Variants in NFASC observed in about 807,000 individuals in gnomAD.
NFASC encodes neurofascin homolog.
In NFASC, 43 loss-of-function variants were observed where a neutral mutation model predicts 147.5. The ratio of observed to expected loss-of-function variants is 0.29; its 90% CI spans 0.23 to 0.38. The LOEUF (loss-of-function observed/expected upper bound fraction) is 0.38, where lower values mean the gene tolerates loss of function less well. NFASC is among the 10% of genes least tolerant of loss of function. NFASC has a pLI of 1.00. For missense variants in NFASC, 1,320 were observed against 1,689.0 expected (o/e 0.78, Z 3.83); for synonymous variants, 622 against 665.5 (o/e 0.93, Z 1.01).
intron 2 of NFASC, among the ~76,000 whole-genome samples, chr1:204,936,208 T>TTTC (rs1328228564): frequency 7.1e-6 from 1 of 140,942 alleles, no homozygotes; most frequent in East Asian, 2.1e-4. Context: ...CTTTTTCTTT[T>TTTC]TTTTTTTTTT....
chr1:204,953,678 C>T (rs960840880), intron 5 of NFASC, among the ~76,000 whole-genome samples: 4 of 152,104 alleles, frequency 2.6e-5, no homozygotes, highest in Admixed American at 6.6e-5. Flanking sequence ...TAACCTAAGC[C>T]GTTTCACTTT....
chr1:204,922,254 C>T (rs948030624), intron 2 of NFASC, among the ~76,000 whole-genome samples: 3 of 152,144 alleles, frequency 2.0e-5, no homozygotes, highest in Non-Finnish European at 4.4e-5. Context: ...TGAACATTCA[C>T]TCTAGGTAAC....
At chr1:204,845,190 C>G (rs1342759545) in intron 1 of NFASC, among the ~76,000 whole-genome samples, 1 of 151,784 alleles carries the variant, frequency 6.6e-6, no homozygotes, top group East Asian at 1.9e-4. Flanking sequence ...GGAGCTGGAA[C>G]TTAAAGTGGC....
chr1:204,990,889 C>G (rs1033420108), intron 23 of NFASC, among the ~76,000 whole-genome samples: 4 of 152,268 alleles, frequency 2.6e-5, no homozygotes, highest in Non-Finnish European at 1.5e-5. Flanking sequence ...CATGGAGCGT[C>G]ACCCAGCCTG....
chr1:204,867,412 CACACACA>C (rs1260597204), intron 1 of NFASC, among the ~76,000 whole-genome samples: 100 of 17,394 alleles, frequency 5.7e-3, no homozygotes, highest in African/African-American at 9.2e-3. Context: ...GAACTCACCA[CACACACA>C]CACACACACA....
chr1:204,945,434 C>T (rs899217998), intron 3 of NFASC, among the ~76,000 whole-genome samples: 2 of 152,188 alleles, frequency 1.3e-5, no homozygotes, highest in Admixed American at 1.3e-4. Flanking sequence ...AAAGCCAGAC[C>T]CCTGGTCCTG....
chr1:204,856,115 C>T (rs756033118), intron 1 of NFASC, among the ~76,000 whole-genome samples: 1 of 152,002 alleles, frequency 6.6e-6, no homozygotes, highest in Non-Finnish European at 1.5e-5. Context: ...TCCCTCCTGC[C>T]TCCCTGCTTG....
Position 205,010,743 on chromosome 1 carries a change from A to C in NFASC, c.3421+1055A>C, listed in dbSNP as rs1394788456. The C allele has an allele frequency of 6.6e-6, 1 of 152,032 alleles. No homozygotes were observed. The highest frequency in any genetic ancestry group is 1.5e-5 in the Non-Finnish European group (1 of 68,016). 9.4% of individuals were successfully genotyped at this position (152,032 alleles called of 1,614,324 possible). A position where few individuals can be genotyped will look rare whatever the true frequency, so the allele number is the denominator to read the frequency against. ...ATGGTGAAACCCAATCTCTACCAAAAATACAAAAAATTAGCTGGGTGTTTT... is the reference window on the plus strand; with the variant it reads ...ATGGTGAAACCCAATCTCTACCAAACATACAAAAAATTAGCTGGGTGTTTT... On this transcript the variant is annotated intron_variant, in intron 28 of 29. Coordinates refer to ENST00000339876, the MANE Select transcript of NFASC (RefSeq NM_001005388.3). The surrounding 1 kb of genome is among the most constrained non-coding windows in gnomAD (Gnocchi z 4.1).
rs2096407130 is a variant in NFASC, at chr1:205,022,481, C to T, written c.*5942C>T. The T allele has an allele frequency of 6.6e-6, 1 of 152,494 alleles. No individual in the cohort carries two copies. The highest frequency in any genetic ancestry group is 1.5e-5 in the Non-Finnish European group (1 of 68,026). 9.4% of individuals were successfully genotyped at this position (152,494 alleles called of 1,614,324 possible). ...CTCCATCCCTTCCTACATATCCACA[C>T]ACACACAAATTGGTCTGATCTTTTT... On this transcript the variant is annotated 3_prime_UTR_variant, in exon 30 of 30. Coordinates refer to ENST00000339876, the MANE Select transcript of NFASC (RefSeq NM_001005388.3).
intron 2 of NFASC, among the ~76,000 whole-genome samples, chr1:204,941,040 C>T (rs779827708): frequency 6.6e-6 from 1 of 152,174 alleles, no homozygotes; most frequent in Non-Finnish European, 1.5e-5. Context: ...TTTTAAATAG[C>T]AACCTTACTC....
At chr1:204,896,334 C>G (rs1293956845) in intron 1 of NFASC, among the ~76,000 whole-genome samples, 1 of 152,166 alleles carries the variant, frequency 6.6e-6, no homozygotes, top group East Asian at 1.9e-4. Flanking sequence ...CAGCACAATC[C>G]TGCTTTGTTC....
intron 12 of NFASC, 117 bp from the exon 13 acceptor site, chr1:204,974,062 G>T: frequency 2.7e-6 from 2 of 733,496 alleles, no homozygotes. Context: ...GATAGGGGAA[G>T]GTGTCTCAGT....
rs188609225 is a variant in NFASC, at chr1:204,834,685, C to T, written c.-200+5903C>T. On this transcript the variant is annotated intron_variant, in intron 1 of 29. Coordinates refer to ENST00000339876, the MANE Select transcript of NFASC (RefSeq NM_001005388.3). ...CTGTTCTAATGAATTTAATTAGAGA[C>T]GGGCTTGGAGAGCTTCAGAACCTCT... Among the ~76,000 whole-genome samples, 161 of 152,220 alleles carry T rather than the reference C, an allele frequency of 1.1e-3. 1 individual carries two copies. The highest frequency in any genetic ancestry group is 4.6e-3 in the South Asian group (22 of 4,828).
intron 25 of NFASC, chr1:205,000,886 ACAGT>A (rs1042914525): frequency 8.2e-6 from 4 of 490,558 alleles, no homozygotes; most frequent in Admixed American, 3.6e-5. Flanking sequence ...CTATGTGGAC[ACAGT>A]CAGTTTCCAG....
At chr1:204,846,616 C>T (rs1016822864) in intron 1 of NFASC, among the ~76,000 whole-genome samples, 3 of 151,996 alleles carry the variant, frequency 2.0e-5, no homozygotes, top group African/African-American at 4.8e-5. Context: ...GAGGGTAATC[C>T]ACCCAATGTA....
In NFASC at chr1:204,996,599, C is replaced by T. The variant is rs1375600; in HGVS notation, c.2783-571C>T. On this transcript the variant is annotated intron_variant, in intron 24 of 29. Coordinates refer to ENST00000339876, the MANE Select transcript of NFASC (RefSeq NM_001005388.3). Reference sequence around the variant, plus strand: ...GGCAGAACGCCGTGCAAGGCTCACCCGCGCAGAGTGGAGATTGTTCCCTCT... The same window carrying T: ...GGCAGAACGCCGTGCAAGGCTCACCTGCGCAGAGTGGAGATTGTTCCCTCT... Among the ~76,000 whole-genome samples, 418 of 152,308 alleles carry T rather than the reference C, an allele frequency of 2.7e-3. 6 individuals carry two copies. Among genetic ancestry groups the T allele is most frequent in the Admixed American group, 0.023 (352 of 15,306 alleles).
At chr1:204,893,244 G>C (rs2149071127) in intron 1 of NFASC, among the ~76,000 whole-genome samples, 1 of 152,282 alleles carries the variant, frequency 6.6e-6, no homozygotes, top group South Asian at 2.1e-4. Context: ...TCATGGGTCT[G>C]GTCTTAAATA....
chr1:204,973,553 A>T (rs1030545687), intron 12 of NFASC, 134 bp downstream of exon 12: 2 of 1,142,678 alleles, frequency 1.8e-6, no homozygotes, highest in Non-Finnish European at 2.4e-6. Flanking sequence ...AGGATGTTGG[A>T]TAGGGGAAAC....
At chr1:204,912,367 A>G (rs1326882790) in intron 1 of NFASC, among the ~76,000 whole-genome samples, 2 of 152,074 alleles carry the variant, frequency 1.3e-5, no homozygotes, top group African/African-American at 2.4e-5. Flanking sequence ...TTTCATTTCA[A>G]TTGAAACTTT....
Sources: gnomAD v4.1 joint callset for allele counts (sites outside exome capture counted in the v4.1 genomes callset) on GRCh38, gnomAD v4.1.1 for gene constraint, Gnocchi (gnomAD v3.1) non-coding constraint, MANE v1.5 for transcripts, NCBI Gene and HGNC (gene_info 2026-07-23, HGNC 2026-07-21) for gene names.